Variants in MTR observed in about 807,000 individuals in gnomAD.
MTR encodes the protein methionine synthase.
MTR carries 84 observed loss-of-function variants against 154.8 expected under a neutral mutation model. The observed-to-expected ratio is 0.54, with a 90% CI of 0.45 to 0.65. The LOEUF (loss-of-function observed/expected upper bound fraction) is 0.65. Ranked by LOEUF, MTR falls within the 30% of genes least tolerant of loss-of-function variation. The pLI is 0.00. For synonymous variants in MTR, 554 were observed against 553.9 expected (o/e 1.00, Z 0.00); for missense variants, 1,275 against 1,570.2 (o/e 0.81, Z 3.18).
At chr1:236,817,900 C>T (rs1661692670) in intron 8 of MTR, among the ~76,000 whole-genome samples, 1 of 152,078 alleles carries the variant, frequency 6.6e-6, no homozygotes, top group Non-Finnish European at 1.5e-5. Flanking sequence ...ATGAGTTTTT[C>T]CTGAGCAGTC....
At chr1:236,877,950 A>G (rs1267137719) in intron 24 of MTR, among the ~76,000 whole-genome samples, 1 of 152,162 alleles carries the variant, frequency 6.6e-6, no homozygotes, top group Non-Finnish European at 1.5e-5. Context: ...CTGCTGAGTA[A>G]TGATGTTGAA....
intron 29 of MTR, among the ~76,000 whole-genome samples, chr1:236,892,143 T>G (rs1010260714): frequency 1.3e-5 from 2 of 152,218 alleles, no homozygotes; most frequent in Non-Finnish European, 2.9e-5. Context: ...TTGCAGAAAA[T>G]TACTCTGTTT....
At position 236,860,801 on chromosome 1, in the gene MTR, T is replaced by G. The variant is rs1208131775; in HGVS notation, c.2044-324T>G. 3.3e-5 allele frequency among the ~76,000 whole-genome samples: 5 copies of G among 152,238 alleles called. No homozygotes were observed. The East Asian group carries it at 9.6e-4, about 29-fold the overall frequency. On this transcript the variant is annotated intron_variant, in intron 19 of 32. Coordinates refer to ENST00000366577, the MANE Select transcript of MTR (RefSeq NM_000254.3). ...ATTTTTTAATTGGCATATAAAATTG[T>G]ATGTATTTACTGCATACAACATTCT... is the stretch of plus-strand genomic sequence containing the variant.
intron 13 of MTR, among the ~76,000 whole-genome samples, chr1:236,833,595 AG>A (rs1662739512): frequency 1.3e-5 from 2 of 152,176 alleles, no homozygotes; most frequent in Non-Finnish European, 2.9e-5. Context: ...AAACAGTAGG[AG>A]GGGGCAGTAG....
intron 24 of MTR, among the ~76,000 whole-genome samples, chr1:236,877,197 G>A (rs1487316802): frequency 2.6e-5 from 4 of 152,230 alleles, no homozygotes; most frequent in Admixed American, 1.3e-4. Flanking sequence ...AGTGACAGTG[G>A]ATGAGGTCTG....
chr1:236,890,611 G>A (rs1666262979), intron 28 of MTR, among the ~76,000 whole-genome samples: 1 of 152,202 alleles, frequency 6.6e-6, no homozygotes, highest in Admixed American at 6.5e-5. Context: ...AGCTGTCCTT[G>A]TTTAACTCTT....
At chr1:236,896,806 C>T (rs1432959227) in intron 31 of MTR, among the ~76,000 whole-genome samples, 200 bp from the exon 32 acceptor site, 2 of 152,130 alleles carry the variant, frequency 1.3e-5, no homozygotes, top group African/African-American at 4.8e-5. Flanking sequence ...ATCTGCATGT[C>T]CCGAATTTGT....
rs1558344421 is a variant in MTR at position 236,891,308 on chromosome 1, C to T, written c.3183C>T (p.Thr1061=). ...CCCAGGCTGCAGAGCCCATAGCCACCTTCTATGGGTTAAGGCAACAGGTAT... is the reference window on the plus strand; with the variant it reads ...CCCAGGCTGCAGAGCCCATAGCCACTTTCTATGGGTTAAGGCAACAGGTAT... ...AVPQAAEPIA[T]FYGLRQQAEK... Residue 1061 remains threonine (T), a synonymous_variant, in exon 29 of 33, where the codon ACC becomes ACT. Coordinates refer to ENST00000366577, the MANE Select transcript of MTR (RefSeq NM_000254.3). The T allele has an allele frequency of 1.2e-6, 2 of 1,614,074 alleles. No individual in the cohort carries two copies. The highest frequency in any genetic ancestry group is 1.7e-6 in the Non-Finnish European group (2 of 1,179,988).
Position 236,812,781 on chromosome 1 carries a change from A to G in MTR, c.546A>G (p.Gly182=). ...AAGCATACCAAGAGCAGGCCAAAGG[A>G]CTTCTGGATGGCGGGGTTGATATCT... ...LVEAYQEQAK[G]LLDGGVDILL... is the part of the protein sequence containing the mutation. The change falls in exon 6 of 33, where the codon GGA becomes GGG. Residue 182 remains glycine (G), a synonymous_variant. Coordinates refer to ENST00000366577, the MANE Select transcript of MTR (RefSeq NM_000254.3). 6.2e-7 allele frequency: 1 copy of G among 1,614,108 alleles called. No individual in the cohort carries two copies. The highest frequency in any genetic ancestry group is 1.1e-5 in the South Asian group (1 of 91,084).
rs775141970 is a variant in MTR, at chr1:236,891,258, C to G, written c.3133C>G (p.His1045Asp). The G allele has an allele frequency of 6.2e-7, 1 of 1,614,056 alleles. No homozygotes were observed. Among genetic ancestry groups the G allele is most frequent in the Non-Finnish European group, 8.5e-7 (1 of 1,180,046 alleles). ...AGCACAGAGTATCCAAGACGACATT[C>G]ACCTGTACGCAGAGGCTGCTGTGCC... is the stretch of plus-strand genomic sequence containing the variant. ...WPAQSIQDDI[H>D]LYAEAAVPQA... The change falls in exon 29 of 33, where the codon CAC (histidine) becomes GAC (aspartate). Residue 1045 changes from histidine to aspartate, a missense_variant. By Grantham distance (81) the His-to-Asp change is moderately conservative. Transcript: ENST00000366577.
intron 24 of MTR, among the ~76,000 whole-genome samples, chr1:236,875,654 T>A (rs1345797716): frequency 6.6e-6 from 1 of 152,066 alleles, no homozygotes; most frequent in African/African-American, 2.4e-5. Flanking sequence ...ATGCCAGAAA[T>A]ACAATAAAGA....
intron 1 of MTR, among the ~76,000 whole-genome samples, chr1:236,796,035 C>G (rs1399525540): frequency 6.6e-6 from 1 of 152,124 alleles, no homozygotes; most frequent in Non-Finnish European, 1.5e-5. Flanking sequence ...TCCAGTTCCA[C>G]GCAGCATAAA....
At chr1:236,841,779 C>T (rs1351110241) in intron 15 of MTR, among the ~76,000 whole-genome samples, 5 of 152,028 alleles carry the variant, frequency 3.3e-5, no homozygotes, top group Admixed American at 6.6e-5. Flanking sequence ...ACTTAATTGG[C>T]AGTTGCATGG....
At chr1:236,834,118 T>A (rs1394710190) in intron 13 of MTR, among the ~76,000 whole-genome samples, 3 of 152,232 alleles carry the variant, frequency 2.0e-5, no homozygotes, top group Non-Finnish European at 4.4e-5. Flanking sequence ...TTCTTTTTAT[T>A]CTTTATATTA....
intron 1 of MTR, among the ~76,000 whole-genome samples, chr1:236,799,208 A>T (rs1660570592): frequency 2.0e-5 from 3 of 151,818 alleles, no homozygotes. Flanking sequence ...TGCAGCCTCG[A>T]CTTCCCAGGC....
chr1:236,820,392 G>T (rs1359246415), intron 8 of MTR: 1 of 846,186 alleles, frequency 1.2e-6, no homozygotes, highest in African/African-American at 1.7e-5. Flanking sequence ...AGGCATGCAG[G>T]TGCCCTCTGT....
chr1:236,827,671 G>C (rs1199882907), intron 11 of MTR, among the ~76,000 whole-genome samples: 1 of 152,106 alleles, frequency 6.6e-6, no homozygotes, highest in African/African-American at 2.4e-5. Flanking sequence ...CACATTGCCT[G>C]GTACACAGTG....
At chr1:236,885,245 T>A (rs753671886) in intron 26 of MTR, 26 bp downstream of exon 26, 2 of 1,407,592 alleles carry the variant, frequency 1.4e-6, no homozygotes, top group East Asian at 2.3e-5. Context: ...AGATTTTTGC[T>A]TGTTTTTAAT....
At chr1:236,799,336 C>G (rs1248643754) in intron 1 of MTR, among the ~76,000 whole-genome samples, 1 of 151,362 alleles carries the variant, frequency 6.6e-6, no homozygotes, top group African/African-American at 2.4e-5. Context: ...GTTGCCCAGG[C>G]TGTTTTCGAA....
Sources: gnomAD v4.1 joint callset for allele counts (sites outside exome capture counted in the v4.1 genomes callset) on GRCh38, gnomAD v4.1.1 for gene constraint, MANE v1.5 for transcripts, NCBI Gene and HGNC (gene_info 2026-07-23, HGNC 2026-07-21) for gene names.